Variants in PPP1R9A observed in about 807,000 individuals in gnomAD.
PPP1R9A encodes the protein protein phosphatase 1 regulatory subunit 9A.
PPP1R9A carries 59 observed loss-of-function variants against 141.9 expected under a neutral mutation model. The observed-to-expected ratio is 0.42, with a 90% CI of 0.34 to 0.52. The LOEUF is 0.52. PPP1R9A is among the 20% of genes least tolerant of loss of function. The pLI is 0.10. For synonymous variants in PPP1R9A, 500 were observed against 569.7 expected, an observed-to-expected ratio of 0.88 and a Z score of 1.74; for missense variants, 1,444 against 1,611.9, an observed-to-expected ratio of 0.90 and a Z score of 1.78.
At chr7:95,037,451 C>T (rs1408269617) in intron 2 of PPP1R9A, among the ~76,000 whole-genome samples, 2 of 151,852 alleles carry the variant, frequency 1.3e-5, no homozygotes, top group African/African-American at 4.8e-5. Context: ...TTATTAGGAC[C>T]ACATGTGTTA....
intron 2 of PPP1R9A, among the ~76,000 whole-genome samples, chr7:94,971,111 GA>G (rs981004560): frequency 6.6e-6 from 1 of 151,720 alleles, no homozygotes; most frequent in South Asian, 2.1e-4. Context: ...GGACAAAAGA[GA>G]AAAAAAAGCA....
chr7:95,204,996 A>T (rs1281444152), intron 7 of PPP1R9A, among the ~76,000 whole-genome samples: 1 of 140,866 alleles, frequency 7.1e-6, no homozygotes, highest in Non-Finnish European at 1.5e-5. Flanking sequence ...AGACGCACAC[A>T]CCATACACAC....
intron 12 of PPP1R9A, among the ~76,000 whole-genome samples, chr7:95,262,731 T>C (rs1326717026): frequency 6.6e-6 from 1 of 152,194 alleles, no homozygotes; most frequent in Non-Finnish European, 1.5e-5. Context: ...TTGAAGGCTA[T>C]ACAGATAGTT....
At chr7:95,263,282 A>C (rs953665098) in intron 12 of PPP1R9A, among the ~76,000 whole-genome samples, 2 of 152,246 alleles carry the variant, frequency 1.3e-5, no homozygotes, top group African/African-American at 4.8e-5. Flanking sequence ...AAACAATTAC[A>C]TAATACAAAA....
chr7:95,077,990 T>A (rs79061684), intron 2 of PPP1R9A, among the ~76,000 whole-genome samples: 2 of 146,870 alleles, frequency 1.4e-5, no homozygotes, highest in Non-Finnish European at 3.0e-5. Context: ...TTTTTTTTTT[T>A]AATTATACTT....
chr7:95,138,619 T>C (rs1001514801), intron 4 of PPP1R9A, among the ~76,000 whole-genome samples: 13 of 152,150 alleles, frequency 8.5e-5, no homozygotes, highest in Non-Finnish European at 1.5e-4. Flanking sequence ...TTCAAATATA[T>C]ATAAGAACTT....
At chr7:95,231,279 G>A (rs973017259) in intron 8 of PPP1R9A, among the ~76,000 whole-genome samples, 10 of 152,022 alleles carry the variant, frequency 6.6e-5, no homozygotes, top group African/African-American at 2.4e-4. Context: ...TGAGATAGAT[G>A]GCAACACAAT....
At chr7:95,179,359 G>C (rs377327640) in intron 5 of PPP1R9A, among the ~76,000 whole-genome samples, 12 of 151,990 alleles carry the variant, frequency 7.9e-5, no homozygotes, top group East Asian at 1.9e-4. Flanking sequence ...ACATTGGCAT[G>C]CAAGGGACAT....
At chr7:94,945,081 A>C (rs1403849374) in intron 2 of PPP1R9A, among the ~76,000 whole-genome samples, 5 of 152,058 alleles carry the variant, frequency 3.3e-5, no homozygotes, top group Non-Finnish European at 7.4e-5. Flanking sequence ...TTCATGGGCC[A>C]TGAATATACC....
chr7:95,015,875 C>G (rs777460028), intron 2 of PPP1R9A, among the ~76,000 whole-genome samples: 6 of 151,852 alleles, frequency 4.0e-5, no homozygotes, highest in Non-Finnish European at 8.8e-5. Flanking sequence ...CATGGTGAGA[C>G]CCCTGCCTCT....
At chr7:95,257,861 G>A (rs1462419593) in intron 12 of PPP1R9A, among the ~76,000 whole-genome samples, 7 of 151,698 alleles carry the variant, frequency 4.6e-5, no homozygotes, top group East Asian at 1.9e-4. Flanking sequence ...ATTTTTTATG[G>A]CTGCATAGTA....
intron 2 of PPP1R9A, among the ~76,000 whole-genome samples, chr7:95,006,726 C>T (rs191108166): frequency 6.6e-6 from 1 of 152,146 alleles, no homozygotes; most frequent in African/African-American, 2.4e-5. Flanking sequence ...TTGCCATATC[C>T]CTTACCCTTC....
Position 94,910,070 on chromosome 7 carries a change from T to C in PPP1R9A, c.-44T>C. On this transcript the variant is annotated 5_prime_UTR_variant, in exon 2 of 20. Coordinates refer to ENST00000433360, the MANE Select transcript of PPP1R9A (RefSeq NM_001166160.2). The surrounding 1 kb of genome is among the most constrained non-coding windows in gnomAD (Gnocchi z 4.5). ...GAGGTATCTTGGTTTTTGGTTTTTT[T>C]CTTTGATCATTATGAACATTGGCTT... The C allele has an allele frequency of 6.5e-7, 1 of 1,540,898 alleles. No individual in the cohort carries two copies.
At chr7:95,087,427 T>G (rs911608985) in intron 2 of PPP1R9A, among the ~76,000 whole-genome samples, 4 of 152,114 alleles carry the variant, frequency 2.6e-5, no homozygotes, top group Non-Finnish European at 5.9e-5. Context: ...TAAATTTTCT[T>G]CATTCACAGT....
At chr7:95,178,854 A>G (rs906587045) in intron 5 of PPP1R9A, among the ~76,000 whole-genome samples, 5 of 152,152 alleles carry the variant, frequency 3.3e-5, no homozygotes, top group African/African-American at 9.6e-5. Flanking sequence ...GAACACTCCA[A>G]TAACAAGTAG....
chr7:94,994,839 T>A (rs2151461000), intron 2 of PPP1R9A, among the ~76,000 whole-genome samples: 1 of 151,600 alleles, frequency 6.6e-6, no homozygotes, highest in Non-Finnish European at 1.5e-5. Context: ...GGTTGCAGAG[T>A]TGACATCGCG....
intron 4 of PPP1R9A, among the ~76,000 whole-genome samples, chr7:95,157,847 C>A (rs1047895108): frequency 3.9e-5 from 6 of 152,134 alleles, no homozygotes; most frequent in Non-Finnish European, 7.4e-5. Flanking sequence ...TGGTAACACT[C>A]AAATTTTCTT....
chr7:95,189,811 C>G (rs887856368), intron 5 of PPP1R9A, among the ~76,000 whole-genome samples: 2 of 152,104 alleles, frequency 1.3e-5, no homozygotes, highest in Non-Finnish European at 2.9e-5. Context: ...CTCTGAAGTT[C>G]TTTCTTCTAC....
At chr7:95,202,662 A>G in intron 6 of PPP1R9A, 3 of 787,644 alleles carry the variant, frequency 3.8e-6, no homozygotes, top group Non-Finnish European at 4.6e-6. Context: ...CTAGAATTTA[A>G]CTTTTTAGTA....
Sources: allele counts gnomAD v4.1 joint callset (sites outside exome capture counted in the v4.1 genomes callset), GRCh38; gene constraint gnomAD v4.1.1; non-coding constraint Gnocchi (gnomAD v3.1); transcripts MANE v1.5; gene names NCBI Gene and HGNC (gene_info 2026-07-23, HGNC 2026-07-21).